SLC6A11: variants seen among roughly 807,000 people sequenced by gnomAD.
SLC6A11 encodes the protein sodium- and chloride-dependent GABA transporter 3.
Under a neutral mutation model 74.8 loss-of-function variants are expected in SLC6A11, and 25 were observed. That is an observed-to-expected ratio of 0.33 (90% CI 0.24 to 0.47). The LOEUF (loss-of-function observed/expected upper bound fraction) is 0.47, where lower values mean the gene tolerates loss of function less well. Ranked by LOEUF, SLC6A11 falls within the 20% of genes least tolerant of loss-of-function variation. The probability of loss-of-function intolerance (pLI) is 1.00; values close to 1 mark genes in which losing one functional copy is unlikely to be tolerated. For synonymous variants in SLC6A11, 330 were observed against 330.2 expected, an observed-to-expected ratio of 1.00 and a Z score of 0.01; for missense variants, 574 against 837.0, an observed-to-expected ratio of 0.69 and a Z score of 3.88.
At position 10,816,655 on chromosome 3, in the gene SLC6A11, C is replaced by T. The variant is rs987997415; in HGVS notation, c.256+134C>T. ...AGCGGAGAACCTCGACTCCAGGCAC[C>T]TCGCGTGTGAGCTCGCCCCGGAGCG... On this transcript the variant is annotated intron_variant, in intron 1 of 13. Transcript: ENST00000254488. The surrounding 1 kb of genome is among the most constrained non-coding windows in gnomAD (Gnocchi z 4.2). The T allele has an allele frequency of 1.5e-5, 14 of 964,066 alleles. No homozygotes were observed. Among genetic ancestry groups the T allele is most frequent in the Admixed American group, 6.9e-5 (2 of 28,986 alleles). The allele number at this position is 964,066 out of a possible 1,614,324, so 59.7% of individuals were successfully genotyped here. A position where few individuals can be genotyped will look rare whatever the true frequency, so the allele number is the denominator to read the frequency against.
intron 5 of SLC6A11, among the ~76,000 whole-genome samples, chr3:10,872,499 ACT>A (rs1694839429): frequency 6.6e-6 from 1 of 152,066 alleles, no homozygotes; most frequent in Non-Finnish European, 1.5e-5. Context: ...TGAGGGACTC[ACT>A]CTGTCTGTGC....
In SLC6A11 at chr3:10,819,692, C is replaced by T; in HGVS notation, c.392-20C>T. On this transcript the variant is annotated intron_variant, in intron 2 of 13. Coordinates refer to ENST00000254488, the MANE Select transcript of SLC6A11 (RefSeq NM_014229.3). ...TTGAAAAGATAGACTCAAATTCCTT[C>T]CTTTCTTTTGTCCTTTCAGGCATTG... 5 of 1,612,420 alleles carry T rather than the reference C, an allele frequency of 3.1e-6. No individual in the cohort carries two copies. The highest frequency in any genetic ancestry group is 4.2e-6 in the Non-Finnish European group (5 of 1,179,220).
intron 5 of SLC6A11, among the ~76,000 whole-genome samples, chr3:10,862,358 T>G (rs1432287807): frequency 6.6e-6 from 1 of 152,194 alleles, no homozygotes; most frequent in Non-Finnish European, 1.5e-5. Flanking sequence ...CTTTTCATGG[T>G]CTTTATGGTA....
At chr3:10,852,776 GA>G (rs1432600376) in intron 5 of SLC6A11, among the ~76,000 whole-genome samples, 1 of 152,260 alleles carries the variant, frequency 6.6e-6, no homozygotes, top group Non-Finnish European at 1.5e-5. Flanking sequence ...CTCAGTGCAG[GA>G]TGAGGCACAG....
intron 4 of SLC6A11, chr3:10,825,267 G>C (rs951165109): frequency 1.3e-5 from 2 of 152,090 alleles, no homozygotes; most frequent in Non-Finnish European, 1.5e-5. Flanking sequence ...CACTTGGTCT[G>C]TTCAGTTTTT....
At chr3:10,927,029 C>T (rs1473108281) in intron 9 of SLC6A11, among the ~76,000 whole-genome samples, 1 of 152,206 alleles carries the variant, frequency 6.6e-6, no homozygotes, top group East Asian at 1.9e-4. Flanking sequence ...CCAGCCCAGC[C>T]TGTGGGAGTG....
intron 5 of SLC6A11, among the ~76,000 whole-genome samples, chr3:10,862,634 AG>A (rs1300230671): frequency 6.6e-6 from 1 of 152,198 alleles, no homozygotes; most frequent in Admixed American, 6.5e-5. Context: ...TCTTGCTTTA[AG>A]GACTTTCTTC....
intron 13 of SLC6A11, among the ~76,000 whole-genome samples, chr3:10,937,788 C>T (rs572615009): frequency 4.0e-4 from 61 of 152,196 alleles, no homozygotes; most frequent in Non-Finnish European, 5.3e-4. Context: ...ACACCTTCCC[C>T]GACATGATGG....
At chr3:10,885,140 G>A (rs1042940451) in intron 6 of SLC6A11, among the ~76,000 whole-genome samples, 1 of 152,088 alleles carries the variant, frequency 6.6e-6, no homozygotes, top group African/African-American at 2.4e-5. Context: ...ACAACCTTCT[G>A]GCATTGTTCT....
intron 6 of SLC6A11, among the ~76,000 whole-genome samples, chr3:10,890,428 G>A (rs1695094240): frequency 6.6e-6 from 1 of 152,260 alleles, no homozygotes; most frequent in African/African-American, 2.4e-5. Flanking sequence ...GTGAAGTGCT[G>A]TGGGAGGCTG....
At chr3:10,837,171 A>G (rs1048923848) in intron 4 of SLC6A11, among the ~76,000 whole-genome samples, 3 of 152,322 alleles carry the variant, frequency 2.0e-5, no homozygotes, top group East Asian at 1.9e-4. Flanking sequence ...GTTAGAATAT[A>G]GATAACTGGG....
rs150405473 is a variant in SLC6A11 at position 10,905,453 on chromosome 3, T to C, written c.892-6637T>C. On this transcript the variant is annotated intron_variant, in intron 6 of 13. Transcript: ENST00000254488. ...GAAAAACACTTAATATCACAAATCA[T>C]TGGGTGCAAGAGAGCCCCTTCACAG... Among the ~76,000 whole-genome samples the C allele has an allele frequency of 3.6e-3, 543 of 152,346 alleles. 2 individuals carry two copies. Among genetic ancestry groups the C allele is most frequent in the Middle Eastern group, 0.02 (6 of 294 alleles).
intron 4 of SLC6A11, among the ~76,000 whole-genome samples, chr3:10,831,169 C>T (rs1694291000): frequency 6.6e-6 from 1 of 152,142 alleles, no homozygotes; most frequent in Admixed American, 6.6e-5. Flanking sequence ...TCTTAATCTG[C>T]CTGAACTCTC....
chr3:10,900,756 C>T (rs778535909), intron 6 of SLC6A11, among the ~76,000 whole-genome samples: 13 of 152,182 alleles, frequency 8.5e-5, no homozygotes, highest in Non-Finnish European at 1.8e-4. Context: ...AAAGAACCTG[C>T]CTGATCAGGC....
chr3:10,855,408 T>C (rs1694627335), intron 5 of SLC6A11, among the ~76,000 whole-genome samples: 1 of 152,202 alleles, frequency 6.6e-6, no homozygotes, highest in Non-Finnish European at 1.5e-5. Flanking sequence ...CTTTTGTTTC[T>C]GCCACACCCT....
chr3:10,856,099 G>A (rs938834963), intron 5 of SLC6A11, among the ~76,000 whole-genome samples: 2 of 152,162 alleles, frequency 1.3e-5, no homozygotes, highest in East Asian at 1.9e-4. Context: ...CTAGCATTTC[G>A]TGGCAGTCAC....
At position 10,918,631 on chromosome 3, in the gene SLC6A11, G is replaced by A. The variant is rs945465016; in HGVS notation, c.1120+178G>A. 6.6e-5 allele frequency among the ~76,000 whole-genome samples: 10 copies of A among 151,998 alleles called. No homozygotes were observed. Among genetic ancestry groups the A allele is most frequent in the Non-Finnish European group, 1.0e-4 (7 of 67,972 alleles). ...GGGAATTACCTAGGAGGAAAGTCTC[G>A]ACACCTCCTCCCTCCCAAATCCAAG... On this transcript the variant is annotated intron_variant, in intron 8 of 13. Coordinates refer to ENST00000254488, the MANE Select transcript of SLC6A11 (RefSeq NM_014229.3). This position sits in a 1 kb window ranked among gnomAD's most constrained non-coding sequence, Gnocchi z 4.5.
At chr3:10,873,785 A>T (rs568258712) in intron 5 of SLC6A11, among the ~76,000 whole-genome samples, 2 of 147,946 alleles carry the variant, frequency 1.4e-5, no homozygotes, top group African/African-American at 5.0e-5. Flanking sequence ...GTCCTGTCCT[A>T]TCCTATCCTA....
intron 5 of SLC6A11, among the ~76,000 whole-genome samples, chr3:10,853,168 G>A (rs1694597697): frequency 6.6e-6 from 1 of 152,212 alleles, no homozygotes; most frequent in African/African-American, 2.4e-5. Context: ...AGCCAGGGTG[G>A]GCTGCAGTGG....
Sources: gnomAD v4.1 joint callset for allele counts (sites outside exome capture counted in the v4.1 genomes callset) on GRCh38, gnomAD v4.1.1 for gene constraint, Gnocchi (gnomAD v3.1) non-coding constraint, MANE v1.5 for transcripts, NCBI Gene and HGNC (gene_info 2026-07-23, HGNC 2026-07-21) for gene names.